The following MAPKBP1 variants were observed in gnomAD, a reference collection of about 807,000 sequenced individuals.
The protein encoded by MAPKBP1 is mitogen-activated protein kinase-binding protein 1.
A neutral mutation model predicts 170.5 loss-of-function variants in MAPKBP1; 71 were observed. That is an observed-to-expected ratio of 0.42 (90% confidence interval 0.34 to 0.51). The LOEUF is 0.51. Among genes scored for constraint, MAPKBP1 ranks in the 20% least tolerant of loss-of-function variants. MAPKBP1 has a pLI of 0.06. For missense variants in MAPKBP1, 1,598 were observed against 1,933.0 expected, an observed-to-expected ratio of 0.83 and a Z score of 3.25; for synonymous variants, 719 against 757.9, an observed-to-expected ratio of 0.95 and a Z score of 0.84.
chr15:41,786,777 A>AAAAAAAAATATATATATAT lies in MAPKBP1; in HGVS notation c.114+11389_114+11390insAAAAAAATATATATATATA. Among the ~76,000 whole-genome samples the AAAAAAAAATATATATATAT allele has an allele frequency of 1.4e-3, 46 of 32,410 alleles. 1 individual carries two copies. Among genetic ancestry groups the AAAAAAAAATATATATATAT allele is most frequent in the Non-Finnish European group, 2.4e-3 (43 of 17,982 alleles). 21.3% of individuals were successfully genotyped at this position (32,410 alleles called of 152,430 possible). A position where few individuals can be genotyped will look rare whatever the true frequency, so the allele number is the denominator to read the frequency against. ...CAGACTCCGTCTAAAAAAAAAAAAAAATATATATATATATATATATATATA... is the reference window on the plus strand; with the variant it reads ...CAGACTCCGTCTAAAAAAAAAAAAAAAAAAAAAATATATATATATATATATATATATATATATATATATA... On this transcript the variant is annotated intron_variant, in intron 2 of 30. Coordinates refer to ENST00000457542, the MANE Select transcript of MAPKBP1 (RefSeq NM_014994.3).
intron 2 of MAPKBP1, 97 bp downstream of exon 2, chr15:41,775,486 C>G (rs2064082654): frequency 2.3e-6 from 2 of 868,116 alleles, no homozygotes; most frequent in Non-Finnish European, 3.8e-6. Context: ...TAACTAGAAG[C>G]CCTTGTTGAC....
chr15:41,821,831 C>T (rs942097857), intron 24 of MAPKBP1, 81 bp downstream of exon 24: 5 of 1,588,456 alleles, frequency 3.1e-6, no homozygotes, highest in Non-Finnish European at 4.3e-6. Context: ...GAGGGTTGGC[C>T]CCCAGGATAC....
At chr15:41,807,813 G>T (rs2064725886) in intron 3 of MAPKBP1, among the ~76,000 whole-genome samples, 1 of 152,112 alleles carries the variant, frequency 6.6e-6, no homozygotes, top group Non-Finnish European at 1.5e-5. Flanking sequence ...CAAGGTGGGT[G>T]GATCACCTGA....
At position 41,787,769 on chromosome 15, in the gene MAPKBP1, T is replaced by C. The variant is rs147426315; in HGVS notation, c.115-12054T>C. Among the ~76,000 whole-genome samples the C allele has an allele frequency of 2.6e-3, 389 of 152,252 alleles. 1 individual carries two copies. Among genetic ancestry groups the C allele is most frequent in the African/African-American group, 9.0e-3 (374 of 41,542 alleles). ...TAAGAGTGTTCTGTTTGTAATCATG[T>C]ATGGCACATGGATTATGTTATTCAG... On this transcript the variant is annotated intron_variant, in intron 2 of 30. Transcript: ENST00000457542.
At chr15:41,805,463 A>G (rs1330214548) in intron 3 of MAPKBP1, among the ~76,000 whole-genome samples, 6 of 152,200 alleles carry the variant, frequency 3.9e-5, no homozygotes, top group Non-Finnish European at 7.3e-5. Context: ...CCTGGCTCCT[A>G]TGCCAGAATG....
Position 41,818,930 on chromosome 15 carries a change from C to G in MAPKBP1, c.2264C>G (p.Ser755Cys), listed in dbSNP as rs768566044. The change falls in exon 20 of 31, where the codon TCT (serine) becomes TGT (cysteine). Residue 755 changes from serine (S) to cysteine (C), a missense_variant. Ser to Cys is a moderately radical substitution (Grantham distance 112). Around this residue, in one of 6 missense-constraint regions of MAPKBP1, gnomAD observed 63 missense variants for 115.2 expected, o/e 0.55. Coordinates refer to ENST00000457542, the MANE Select transcript of MAPKBP1 (RefSeq NM_014994.3). This position sits in a 1 kb window ranked among gnomAD's most constrained non-coding sequence, Gnocchi z 5.2. ...GGCGGCAAGCAGCAAGGACCATCCT[C>G]TCCCCAAAGGGCTTCTGGACCCAAC... ...QRGGKQQGPSSPQRASGPNRH... is the reference protein window; with the variant it reads ...QRGGKQQGPSCPQRASGPNRH... 6.2e-7 allele frequency: 1 copy of G among 1,614,224 alleles called. No individual in the cohort carries two copies. Among genetic ancestry groups the G allele is most frequent in the Non-Finnish European group, 8.5e-7 (1 of 1,180,042 alleles).
chr15:41,816,573 A>G lies in MAPKBP1; in HGVS notation c.1508A>G (p.Gln503Arg). ...RMGTLRVHELQSLSEMLKVEA... is the reference protein window; with the variant it reads ...RMGTLRVHELRSLSEMLKVEA... ...CATCTTTGCAGGGTGCACGAACTTC[A>G]GTCCCTGAGTGAGATGCTGAAGGTG... The change falls in exon 13 of 31, where the codon CAG becomes CGG. Residue 503 changes from glutamine (Q) to arginine (R), a missense_variant. Coordinates refer to ENST00000457542, the MANE Select transcript of MAPKBP1 (RefSeq NM_014994.3). The G allele has an allele frequency of 6.2e-7, 1 of 1,614,006 alleles. No individual in the cohort carries two copies.
chr15:41,808,526 A>C (rs987532672), intron 3 of MAPKBP1, among the ~76,000 whole-genome samples: 6 of 149,796 alleles, frequency 4.0e-5, no homozygotes, highest in African/African-American at 1.5e-4. Flanking sequence ...CCCAGGCTGG[A>C]CTGCAATGGC....
In MAPKBP1 at chr15:41,823,869, T is replaced by C; in HGVS notation, c.4021T>C (p.Leu1341=). The C allele has an allele frequency of 6.2e-7, 1 of 1,614,198 alleles. No individual in the cohort carries two copies. Among genetic ancestry groups the C allele is most frequent in the East Asian group, 2.2e-5 (1 of 44,880 alleles). ...CAGTACAACTGAGAGATGGGCCTGT[T>C]TGGGGGAGGGCACCACTCCCAAGCC... ...AHSTTERWAC[L]GEGTTPKPRT... The change falls in exon 29 of 31, where the codon TTG becomes CTG. Residue 1341 remains leucine, a synonymous_variant. Coordinates refer to ENST00000457542, the MANE Select transcript of MAPKBP1 (RefSeq NM_014994.3).
intron 5 of MAPKBP1, 133 bp downstream of exon 5, chr15:41,811,368 T>A: frequency 1.1e-6 from 1 of 918,956 alleles, no homozygotes; most frequent in South Asian, 1.4e-5. Context: ...CGCTATACCT[T>A]AAAATAGTGG....
chr15:41,806,316 C>T (rs2064691359), intron 3 of MAPKBP1, among the ~76,000 whole-genome samples: 1 of 152,182 alleles, frequency 6.6e-6, no homozygotes, highest in East Asian at 1.9e-4. Context: ...AGGCCAGAAG[C>T]CCCTTTGGCA....
intron 3 of MAPKBP1, among the ~76,000 whole-genome samples, chr15:41,805,306 C>A (rs2064671282): frequency 6.6e-6 from 1 of 152,170 alleles, no homozygotes; most frequent in Non-Finnish European, 1.5e-5. Context: ...TGCCAGACAG[C>A]CCCTTTGAGA....
At chr15:41,819,557 G>GGGGGGGGCCCCC in intron 21 of MAPKBP1, 38 bp from the exon 22 acceptor site, 2 of 1,384,666 alleles carry the variant, frequency 1.4e-6, no homozygotes, top group Non-Finnish European at 2.0e-6. Context: ...CGGGGGGGGG[G>GGGGGGGGCCCCC]CAGGAGACAC....
intron 3 of MAPKBP1, among the ~76,000 whole-genome samples, chr15:41,807,308 A>G (rs184851709): frequency 1.3e-5 from 2 of 152,358 alleles, no homozygotes; most frequent in Admixed American, 6.5e-5. Flanking sequence ...GTGTCCCAGG[A>G]AGACTGAGTT....
rs1180086043 is a variant in MAPKBP1, at chr15:41,811,239, A to G, written c.327+4A>G. 1 of 1,614,208 alleles carries G rather than the reference A, an allele frequency of 6.2e-7. No homozygotes were observed. The highest frequency in any genetic ancestry group is 1.1e-5 in the South Asian group (1 of 91,088). On this transcript the variant is annotated splice_donor_region_variant and intron_variant, in intron 5 of 30. Transcript: ENST00000457542. ...CAAGTACTTGGTCACTGGAGAGGTG[A>G]GTGAGGAAGAGGGCTGGCAGTACTG...
intron 3 of MAPKBP1, among the ~76,000 whole-genome samples, chr15:41,809,465 A>C (rs546403285): frequency 1.7e-4 from 26 of 152,164 alleles, no homozygotes; most frequent in Admixed American, 4.6e-4. Flanking sequence ...ACTTGCACCT[A>C]CCTCCCTTCA....
rs773683081 is a variant in MAPKBP1, at chr15:41,815,288, G to C, written c.1200G>C (p.Gln400His). The change falls in exon 11 of 31, where the codon CAG (glutamine) becomes CAC (histidine). Residue 400 changes from glutamine (Q) to histidine (H), a missense_variant. Gln to His is a conservative substitution (Grantham distance 24, BLOSUM62 0). This residue lies in a region of MAPKBP1 where 430 missense variants were observed against 617.2 expected (regional missense o/e 0.70). Coordinates refer to ENST00000457542, the MANE Select transcript of MAPKBP1 (RefSeq NM_014994.3). ...ACCCCGAGGTGAAGGATAGTAACCA[G>C]GCCTGCCTGCCCCCCAGTTCCTTTA... ...EVYPEVKDSN[Q>H]ACLPPSSFIT... The C allele has an allele frequency of 6.2e-7, 1 of 1,614,156 alleles. No individual in the cohort carries two copies. Among genetic ancestry groups the C allele is most frequent in the Non-Finnish European group, 8.5e-7 (1 of 1,180,032 alleles).
At chr15:41,813,531 C>G (rs1872492113) in intron 8 of MAPKBP1, 90 bp from the exon 9 acceptor site, 1 of 1,549,112 alleles carries the variant, frequency 6.5e-7, no homozygotes, top group Admixed American at 1.8e-5. Flanking sequence ...TGGCCGGTCC[C>G]TCCTCTTGGC....
At position 41,819,261 on chromosome 15, in the gene MAPKBP1, A is replaced by G. The variant is rs750588624; in HGVS notation, c.2307A>G (p.Ser769=). The change falls in exon 21 of 31, where the codon TCA becomes TCG. Residue 769 remains serine, a synonymous_variant. Coordinates refer to ENST00000457542, the MANE Select transcript of MAPKBP1 (RefSeq NM_014994.3). ...ASGPNRHQAP[S]MLSPGPALSS... is the part of the protein sequence containing the mutation. ...TCGGACTCAGGCACCAGGCCCCATC[A>G]ATGCTGTCTCCTGGACCGGCTCTCT... 1.2e-6 allele frequency: 2 copies of G among 1,613,930 alleles called. No individual in the cohort carries two copies. The highest frequency in any genetic ancestry group is 4.5e-5 in the East Asian group (2 of 44,854).
Sources: allele counts gnomAD v4.1 joint callset (sites outside exome capture counted in the v4.1 genomes callset), GRCh38; gene constraint gnomAD v4.1.1; regional missense constraint gnomAD v4.1.1; non-coding constraint Gnocchi (gnomAD v3.1); transcripts MANE v1.5; gene names NCBI Gene and HGNC (gene_info 2026-07-23, HGNC 2026-07-21).